AUTS2: variants seen among roughly 807,000 people sequenced by gnomAD.
AUTS2 encodes activator of transcription and developmental regulator AUTS2, also known as autism susceptibility gene 2 protein.
Under a neutral mutation model 112.4 loss-of-function variants are expected in AUTS2, and 17 were observed. That is an observed-to-expected ratio of 0.15 (90% CI 0.10 to 0.23). The LOEUF is 0.23. Among genes scored for constraint, AUTS2 ranks in the 10% least tolerant of loss-of-function variants. The pLI is 1.00. For synonymous variants in AUTS2, 751 were observed against 702.7 expected (o/e 1.07, Z -1.09); for missense variants, 1,510 against 1,701.6 (o/e 0.89, Z 1.98).
rs987721163 is a variant in AUTS2, at chr7:70,067,739, C to T, written c.523-50393C>T. Among the ~76,000 whole-genome samples the T allele has an allele frequency of 1.3e-4, 20 of 151,904 alleles. 1 individual carries two copies. Among genetic ancestry groups the T allele is most frequent in the African/African-American group, 4.8e-4 (20 of 41,378 alleles). On this transcript the variant is annotated intron_variant, in intron 2 of 18. Transcript: ENST00000342771. The stretch of plus-strand genomic sequence containing the variant: ...TGGTGGCACATGCCTGTGGTCCCAG[C>T]TTACTTGCAGGACTAAGGCAGGAGG...
chr7:69,870,816 G>A (rs1244287874), intron 1 of AUTS2, among the ~76,000 whole-genome samples: 1 of 152,052 alleles, frequency 6.6e-6, no homozygotes, highest in Non-Finnish European at 1.5e-5. Flanking sequence ...ACTTTTTATG[G>A]TGTTTTAAAT....
intron 4 of AUTS2, among the ~76,000 whole-genome samples, chr7:70,340,151 T>C (rs1791190718): frequency 8.0e-6 from 1 of 124,786 alleles, no homozygotes; most frequent in South Asian, 2.6e-4. Context: ...TCTGTGTCCA[T>C]GTATGGAGAG....
chr7:70,703,659 G>T (rs1809584693), intron 6 of AUTS2, among the ~76,000 whole-genome samples: 4 of 152,138 alleles, frequency 2.6e-5, no homozygotes, highest in Non-Finnish European at 5.9e-5. Context: ...AGGGTCTTGG[G>T]TTTAGTCGCA....
intron 18 of AUTS2, among the ~76,000 whole-genome samples, chr7:70,788,597 A>G (rs1461762193): frequency 6.6e-6 from 1 of 152,234 alleles, no homozygotes; most frequent in African/African-American, 2.4e-5. Context: ...GGATGTGGCC[A>G]CCAGCCCTTT....
intron 1 of AUTS2, among the ~76,000 whole-genome samples, chr7:69,601,326 T>A (rs1287510711): frequency 6.6e-6 from 1 of 152,214 alleles, no homozygotes; most frequent in Admixed American, 6.5e-5. Flanking sequence ...TGGTATTGTT[T>A]CACATGCTCA....
At chr7:70,714,703 C>T (rs1810259347) in intron 6 of AUTS2, among the ~76,000 whole-genome samples, 1 of 152,194 alleles carries the variant, frequency 6.6e-6, no homozygotes. Flanking sequence ...TCTGGAAGTC[C>T]TTGCGGTGTC....
intron 1 of AUTS2, among the ~76,000 whole-genome samples, chr7:69,860,859 A>G (rs774961507): frequency 2.0e-5 from 3 of 152,188 alleles, no homozygotes; most frequent in Non-Finnish European, 2.9e-5. Context: ...GTCACATGAT[A>G]TTTGCCAAGT....
intron 15 of AUTS2, 194 bp downstream of exon 15, chr7:70,781,950 G>T (rs1345643654): frequency 1.6e-6 from 1 of 639,378 alleles, no homozygotes; most frequent in Non-Finnish European, 2.6e-6. Flanking sequence ...TTCATTAAAG[G>T]AGGAGGCAGA....
chr7:69,689,903 G>A (rs1472736756), intron 1 of AUTS2, among the ~76,000 whole-genome samples: 4 of 150,074 alleles, frequency 2.7e-5, no homozygotes, highest in African/African-American at 9.8e-5. Context: ...CGGTCGGCCA[G>A]GCTGGTCTTG....
At chr7:69,606,545 T>A (rs1234528198) in intron 1 of AUTS2, among the ~76,000 whole-genome samples, 5 of 152,240 alleles carry the variant, frequency 3.3e-5, no homozygotes, top group African/African-American at 4.8e-5. Context: ...AGCCTAACTT[T>A]GTAAAAGTGT....
intron 4 of AUTS2, among the ~76,000 whole-genome samples, chr7:70,263,834 A>G (rs1787283145): frequency 6.6e-6 from 1 of 152,204 alleles, no homozygotes; most frequent in East Asian, 1.9e-4. Flanking sequence ...AATACTGAAA[A>G]CGAGTATGCT....
intron 5 of AUTS2, among the ~76,000 whole-genome samples, chr7:70,636,679 C>T (rs1388915451): frequency 6.7e-6 from 1 of 148,974 alleles, no homozygotes; most frequent in African/African-American, 2.5e-5. Flanking sequence ...CAGAGTCTCA[C>T]TCTGTCTCCC....
intron 1 of AUTS2, among the ~76,000 whole-genome samples, chr7:69,800,161 A>AG (rs1790020931): frequency 6.6e-6 from 1 of 152,160 alleles, no homozygotes; most frequent in Admixed American, 6.5e-5. Context: ...GTTTCTGACT[A>AG]TTCACTCCAG....
At chr7:70,535,387 TTTTC>T (rs1486252821) in intron 5 of AUTS2, among the ~76,000 whole-genome samples, 1 of 151,864 alleles carries the variant, frequency 6.6e-6, no homozygotes, top group Non-Finnish European at 1.5e-5. Context: ...TGTTGTGTTG[TTTTC>T]TTTTTTATTT....
At chr7:69,908,217 A>C (rs1446046972) in intron 2 of AUTS2, among the ~76,000 whole-genome samples, 1 of 152,072 alleles carries the variant, frequency 6.6e-6, no homozygotes, top group Non-Finnish European at 1.5e-5. Context: ...GGGTGAGGAG[A>C]CACACCCCTT....
chr7:69,746,687 C>T (rs752568509), intron 1 of AUTS2, among the ~76,000 whole-genome samples: 1 of 151,922 alleles, frequency 6.6e-6, no homozygotes, highest in Non-Finnish European at 1.5e-5. Flanking sequence ...AGAAATAGGG[C>T]AGAGGAGGGG....
chr7:69,663,283 C>T (rs2129145408), intron 1 of AUTS2: 1 of 152,244 alleles, frequency 6.6e-6, no homozygotes, highest in South Asian at 2.1e-4. Flanking sequence ...TCTATCCCAA[C>T]TGCTTTATTT....
At chr7:70,455,339 G>C (rs893973489) in intron 5 of AUTS2, among the ~76,000 whole-genome samples, 23 of 152,144 alleles carry the variant, frequency 1.5e-4, no homozygotes, top group African/African-American at 5.3e-4. Flanking sequence ...CTTCATCTTG[G>C]GTGCTACAGG....
intron 5 of AUTS2, among the ~76,000 whole-genome samples, chr7:70,535,906 G>A (rs1800297409): frequency 6.6e-6 from 1 of 152,238 alleles, no homozygotes; most frequent in Non-Finnish European, 1.5e-5. Context: ...GAGCAACTGG[G>A]TTTCCAAGGA....
Sources: allele counts gnomAD v4.1 joint callset (sites outside exome capture counted in the v4.1 genomes callset), GRCh38; gene constraint gnomAD v4.1.1; transcripts MANE v1.5; gene names NCBI Gene and HGNC (gene_info 2026-07-23, HGNC 2026-07-21).